The following CFAP99 variants were observed in gnomAD, a reference collection of about 807,000 sequenced individuals.
CFAP99 encodes cilia and flagella associated protein 99.
Under a neutral mutation model 82.7 loss-of-function variants are expected in CFAP99, and 84 were observed. That is an observed-to-expected ratio of 1.02 (90% CI 0.85 to 1.22). CFAP99 has a LOEUF of 1.22. Ranked by LOEUF, CFAP99 falls within the 50% of genes most tolerant of loss-of-function variation. The pLI is 0.00. For missense variants in CFAP99, 1,059 were observed against 983.5 expected (o/e 1.08, Z -1.03); for synonymous variants, 456 against 429.5 (o/e 1.06, Z -0.76).
At chr4:2,450,836 G>A in intron 8 of CFAP99, 111 bp from the exon 9 acceptor site, 3 of 831,436 alleles carry the variant, frequency 3.6e-6, no homozygotes, top group Admixed American at 2.1e-5. Flanking sequence ...AGGATGAAGA[G>A]GGGTGAGCCA....
At chr4:2,424,510 G>T (rs1276578451) in intron 1 of CFAP99, among the ~76,000 whole-genome samples, 1 of 152,196 alleles carries the variant, frequency 6.6e-6, no homozygotes, top group Non-Finnish European at 1.5e-5. Flanking sequence ...CAGCCAGCAG[G>T]GAGGTGGGGA....
At chr4:2,441,667 T>C (rs1405584425) in intron 4 of CFAP99, among the ~76,000 whole-genome samples, 1 of 152,232 alleles carries the variant, frequency 6.6e-6, no homozygotes, top group Non-Finnish European at 1.5e-5. Context: ...CCAAGGGAAC[T>C]GCCCAGGAGA....
In CFAP99 at chr4:2,446,984, G is replaced by A. The variant is rs539553568; in HGVS notation, c.642+1676G>A. Among the ~76,000 whole-genome samples, 29 of 151,996 alleles carry A rather than the reference G, an allele frequency of 1.9e-4. No homozygotes were observed. The highest frequency in any genetic ancestry group is 8.5e-4 in the Admixed American group (13 of 15,250). On this transcript the variant is annotated intron_variant, in intron 6 of 14. Transcript: ENST00000635017. The surrounding 1 kb of genome is among the most constrained non-coding windows in gnomAD (Gnocchi z 5.0). ...GATGATCAGGTGGATGGATGAATGA[G>A]TAGATGGATGGGTGGGCGAATGAAT...
intron 11 of CFAP99, among the ~76,000 whole-genome samples, chr4:2,454,158 C>A (rs1734369434): frequency 6.6e-6 from 1 of 152,114 alleles, no homozygotes; most frequent in Non-Finnish European, 1.5e-5. Context: ...CCACAATGCC[C>A]AGCTATTTCT....
chr4:2,456,662 G>A (rs1734444323), intron 11 of CFAP99, among the ~76,000 whole-genome samples: 1 of 152,044 alleles, frequency 6.6e-6, no homozygotes, highest in South Asian at 2.1e-4. Context: ...TGGGATTACA[G>A]GCATGCACCA....
At chr4:2,455,437 C>T (rs1010658818) in intron 11 of CFAP99, among the ~76,000 whole-genome samples, 1 of 152,154 alleles carries the variant, frequency 6.6e-6, no homozygotes, top group Non-Finnish European at 1.5e-5. Context: ...CTTTGGGAGG[C>T]CAAAGCAGGG....
intron 13 of CFAP99, 67 bp from the exon 14 acceptor site, chr4:2,459,970 G>T: frequency 2.1e-6 from 3 of 1,428,772 alleles, no homozygotes; most frequent in Non-Finnish European, 2.9e-6. Flanking sequence ...ACAGGGGAGG[G>T]ATCCTGGTGG....
intron 8 of CFAP99, 153 bp downstream of exon 8, chr4:2,450,158 T>G: frequency 1.3e-6 from 1 of 766,766 alleles, no homozygotes; most frequent in Non-Finnish European, 2.2e-6. Flanking sequence ...TGGGAAAGTG[T>G]GCCTTGAGCC....
exon 12 of CFAP99, chr4:2,458,758 G>A: frequency 6.5e-7 from 1 of 1,535,694 alleles, no homozygotes. Context: ...CAGAGAGACG[G>A]CTCCGGGAGG....
chr4:2,450,443 C>T (rs540409728), intron 8 of CFAP99: 29 of 278,956 alleles, frequency 1.0e-4, no homozygotes, highest in Non-Finnish European at 1.5e-4. Flanking sequence ...AGGGCAGGCC[C>T]GGGCTGGGCA....
rs1378883938 is a variant in CFAP99 at position 2,460,192 on chromosome 4, G to A, written c.1611G>A (p.Val537=). 5.2e-6 allele frequency: 8 copies of A among 1,536,132 alleles called. No individual in the cohort carries two copies. In the Admixed American group the frequency reaches 5.9e-5, roughly 11 times the overall value. ...AGAGCCAGGAACTGCAGAACATGGT[G>A]GAGCAGATCTCGCTGTGCCGTGCAG... Residue 537 remains valine, a synonymous_variant, in exon 14 of 15, where the codon GTG becomes GTA. Coordinates refer to ENST00000635017, the Ensembl canonical transcript of CFAP99.
intron 1 of CFAP99, among the ~76,000 whole-genome samples, chr4:2,421,096 C>G (rs1393002948): frequency 6.6e-6 from 1 of 152,188 alleles, no homozygotes; most frequent in African/African-American, 2.4e-5. Flanking sequence ...GCAAAAGCTG[C>G]CACGTGGGGT....
At chr4:2,449,219 C>T (rs1734244268) in intron 6 of CFAP99, among the ~76,000 whole-genome samples, 2 of 152,070 alleles carry the variant, frequency 1.3e-5, no homozygotes, top group Admixed American at 1.3e-4. Context: ...TGCAGCCGCC[C>T]TGGCCTCTGC....
intron 1 of CFAP99, among the ~76,000 whole-genome samples, chr4:2,419,489 G>A (rs80277541): frequency 1.3e-5 from 2 of 152,244 alleles, no homozygotes; most frequent in African/African-American, 4.8e-5. Flanking sequence ...TCCAGATCAC[G>A]GCGGATCTGG....
intron 13 of CFAP99, among the ~76,000 whole-genome samples, chr4:2,459,651 G>A (rs779588198): frequency 6.6e-6 from 1 of 152,226 alleles, no homozygotes; most frequent in Non-Finnish European, 1.5e-5. Context: ...CCGGAAGCCC[G>A]TGTGAGAAGG....
intron 2 of CFAP99, among the ~76,000 whole-genome samples, chr4:2,435,775 T>C (rs922853848): frequency 9.2e-5 from 14 of 151,894 alleles, no homozygotes; most frequent in Non-Finnish European, 2.1e-4. Flanking sequence ...AATTAAAAAA[T>C]GAGCCAGGCA....
At chr4:2,430,614 G>A (rs1415636725) in intron 2 of CFAP99, among the ~76,000 whole-genome samples, 1 of 152,214 alleles carries the variant, frequency 6.6e-6, no homozygotes, top group Non-Finnish European at 1.5e-5. Context: ...GAAAGGCAGT[G>A]TTTTGGGTTA....
At chr4:2,421,267 G>C (rs1420851873) in intron 1 of CFAP99, among the ~76,000 whole-genome samples, 2 of 151,446 alleles carry the variant, frequency 1.3e-5, no homozygotes, top group African/African-American at 4.9e-5. Context: ...TTTTGTGTCT[G>C]ATGGAATTTA....
At chr4:2,442,809 G>A (rs1311193262) in intron 4 of CFAP99, among the ~76,000 whole-genome samples, 2 of 152,192 alleles carry the variant, frequency 1.3e-5, no homozygotes, top group Admixed American at 1.3e-4. Flanking sequence ...CAGGCCTCCA[G>A]CACCAGCATC....
Sources: allele counts gnomAD v4.1 joint callset (sites outside exome capture counted in the v4.1 genomes callset), GRCh38; gene constraint gnomAD v4.1.1; non-coding constraint Gnocchi (gnomAD v3.1); transcripts MANE v1.5; gene names NCBI Gene and HGNC (gene_info 2026-07-23, HGNC 2026-07-21).